Variants in GUCY1A2 observed in about 807,000 individuals in gnomAD.
The protein encoded by GUCY1A2 is guanylate cyclase 1 soluble subunit alpha 2, also known as guanylate cyclase soluble subunit alpha-2.
GUCY1A2 carries 27 observed loss-of-function variants against 63.5 expected under a neutral mutation model. That is an observed-to-expected ratio of 0.43 (90% CI 0.31 to 0.59). The LOEUF is 0.59. Among genes scored for constraint, GUCY1A2 ranks in the 20% least tolerant of loss-of-function variants. The pLI, the probability that GUCY1A2 is intolerant of heterozygous loss-of-function variation, is 0.11. For synonymous variants in GUCY1A2, 364 were observed against 343.5 expected (o/e 1.06, Z -0.66); for missense variants, 768 against 913.3 (o/e 0.84, Z 2.05).
chr11:106,796,306 A>C (rs7482935), intron 5 of GUCY1A2, among the ~76,000 whole-genome samples: 40,517 of 151,950 alleles, frequency 0.27, 5,690 homozygotes, highest in Admixed American at 0.35. Context: ...GCCCATTTAC[A>C]TTTAAGGTTA....
intron 5 of GUCY1A2, among the ~76,000 whole-genome samples, chr11:106,790,474 T>G (rs370585502): frequency 2.6e-5 from 4 of 152,202 alleles, no homozygotes; most frequent in South Asian, 4.1e-4. Context: ...GCCTACTTAT[T>G]GCTCTACCTT....
At chr11:106,962,830 C>A (rs1861076888) in intron 3 of GUCY1A2, among the ~76,000 whole-genome samples, 1 of 150,074 alleles carries the variant, frequency 6.7e-6, no homozygotes, top group African/African-American at 2.4e-5. Context: ...GAAATGAACA[C>A]CATTTTTGAA....
At chr11:106,704,967 C>T (rs1216079200) in intron 7 of GUCY1A2, among the ~76,000 whole-genome samples, 2 of 151,202 alleles carry the variant, frequency 1.3e-5, no homozygotes, top group African/African-American at 4.8e-5. Context: ...ATCCATATCC[C>T]ATAAAAAACT....
At chr11:106,698,680 T>A (rs1045033985) in intron 7 of GUCY1A2, among the ~76,000 whole-genome samples, 7 of 152,192 alleles carry the variant, frequency 4.6e-5, no homozygotes, top group Non-Finnish European at 8.8e-5. Flanking sequence ...CAGATTTCAC[T>A]GATTTTCTAT....
rs200249414 is a variant in GUCY1A2, at chr11:107,013,126, AG to A, written c.303+4626del. On this transcript the variant is annotated intron_variant, in intron 1 of 7. Transcript: ENST00000526355. ...CCACCTTCATTTTTTCCTCTTCACT[AG>A]TCTCTGTTTCTTGAACAACTCCACA... is the stretch of plus-strand genomic sequence containing the variant. Among the ~76,000 whole-genome samples the A allele has an allele frequency of 9.3e-3, 1,410 of 152,084 alleles. 16 individuals are homozygous for A. The highest frequency in any genetic ancestry group is 0.031 in the African/African-American group (1,299 of 41,484).
intron 1 of GUCY1A2, among the ~76,000 whole-genome samples, chr11:107,013,722 G>T (rs1216046200): frequency 6.6e-6 from 1 of 151,996 alleles, no homozygotes; most frequent in Non-Finnish European, 1.5e-5. Flanking sequence ...TAATTGGAGG[G>T]TTATTTTTAT....
At chr11:106,765,497 C>G (rs1228482545) in intron 6 of GUCY1A2, among the ~76,000 whole-genome samples, 1 of 152,066 alleles carries the variant, frequency 6.6e-6, no homozygotes, top group Non-Finnish European at 1.5e-5. Flanking sequence ...ATTTCTAATA[C>G]CTAACCAATT....
rs1862444822 is a variant in GUCY1A2 at position 106,682,268 on chromosome 11, A to G, written c.*5281T>C. 1 of 216,496 alleles carries G rather than the reference A, an allele frequency of 4.6e-6. No homozygotes were observed. Among genetic ancestry groups the G allele is most frequent in the East Asian group, 6.8e-5 (1 of 14,632 alleles). 13.4% of individuals were successfully genotyped at this position (216,496 alleles called of 1,614,324 possible). ...ACTTTTCAAAATAACTACAAATGAA[A>G]TAACATCACTATCCCAGTCAACTTG... On this transcript the variant is annotated 3_prime_UTR_variant, in exon 8 of 8. Transcript: ENST00000526355.
intron 4 of GUCY1A2, among the ~76,000 whole-genome samples, chr11:106,860,276 A>ATT (rs58523533): frequency 3.4e-5 from 5 of 145,730 alleles, no homozygotes. Flanking sequence ...ATGAACATTG[A>ATT]TTTTTTTTTT....
intron 3 of GUCY1A2, among the ~76,000 whole-genome samples, chr11:106,972,108 G>A (rs1043796446): frequency 5.9e-5 from 9 of 152,128 alleles, no homozygotes; most frequent in Admixed American, 3.9e-4. Flanking sequence ...TCATAGATAA[G>A]AGAAGCTATG....
At chr11:106,710,765 C>G (rs1863103057) in intron 6 of GUCY1A2, among the ~76,000 whole-genome samples, 1 of 152,058 alleles carries the variant, frequency 6.6e-6, no homozygotes, top group Non-Finnish European at 1.5e-5. Flanking sequence ...GAATGGATAA[C>G]AAGTGGGAGA....
chr11:106,767,901 TAAATA>T (rs1864190827), intron 6 of GUCY1A2, among the ~76,000 whole-genome samples: 1 of 120,616 alleles, frequency 8.3e-6, no homozygotes, highest in Non-Finnish European at 1.9e-5. Context: ...TAAAAATAAT[TAAATA>T]GAATATGACC....
chr11:106,827,429 C>T (rs1858986811), intron 4 of GUCY1A2: 4 of 1,466,088 alleles, frequency 2.7e-6, no homozygotes, highest in East Asian at 2.3e-5. Flanking sequence ...GCGATACCAC[C>T]GTTCCCTAAG....
intron 6 of GUCY1A2, among the ~76,000 whole-genome samples, chr11:106,727,482 C>T (rs764275008): frequency 6.6e-6 from 1 of 152,164 alleles, no homozygotes; most frequent in Non-Finnish European, 1.5e-5. Context: ...CATTAGATGA[C>T]CTTAGCTTCT....
intron 4 of GUCY1A2, chr11:106,827,361 T>C: frequency 6.4e-7 from 1 of 1,557,128 alleles, no homozygotes; most frequent in Non-Finnish European, 8.9e-7. Flanking sequence ...TCCCTATAGC[T>C]TTATCTTTAA....
chr11:107,000,061 C>T (rs1861592835), intron 1 of GUCY1A2, among the ~76,000 whole-genome samples: 1 of 152,164 alleles, frequency 6.6e-6, no homozygotes, highest in Non-Finnish European at 1.5e-5. Flanking sequence ...TAGCCACCTG[C>T]AATAAGCTGC....
intron 4 of GUCY1A2, among the ~76,000 whole-genome samples, chr11:106,912,011 G>A (rs933784979): frequency 6.6e-6 from 1 of 151,956 alleles, no homozygotes; most frequent in Non-Finnish European, 1.5e-5. Context: ...ATTAGTCTGA[G>A]TAGAAATCCA....
At chr11:107,017,623 C>G in intron 1 of GUCY1A2, 130 bp downstream of exon 1, 3 of 426,914 alleles carry the variant, frequency 7.0e-6, no homozygotes, top group Non-Finnish European at 1.2e-5. Context: ...AACCCTAGGC[C>G]GTGCAGGGTA....
rs1056009960 is a variant in GUCY1A2 at position 106,800,073 on chromosome 11, C to T, written c.1692+9920G>A. 6.6e-5 allele frequency among the ~76,000 whole-genome samples: 10 copies of T among 152,202 alleles called. No individual in the cohort carries two copies. In the East Asian group the frequency reaches 9.7e-4, roughly 15 times the overall value. ...AAGAACCACCCCATCAACAAGTGGG[C>T]GAAGGATATGAACAGACACTTCTCA... On this transcript the variant is annotated intron_variant, in intron 5 of 7. Coordinates refer to ENST00000526355, the MANE Select transcript of GUCY1A2 (RefSeq NM_000855.3).
Sources: allele counts gnomAD v4.1 joint callset (sites outside exome capture counted in the v4.1 genomes callset), GRCh38; gene constraint gnomAD v4.1.1; transcripts MANE v1.5; gene names NCBI Gene and HGNC (gene_info 2026-07-23, HGNC 2026-07-21).